The following INSR variants were observed in gnomAD, a reference collection of about 807,000 sequenced individuals.
INSR encodes the protein insulin receptor.
A neutral mutation model predicts 142.6 loss-of-function variants in INSR; 67 were observed. That is an observed-to-expected ratio of 0.47 (90% CI 0.39 to 0.58). The LOEUF (loss-of-function observed/expected upper bound fraction) is 0.58. Among genes scored for constraint, INSR ranks in the 20% least tolerant of loss-of-function variants. The probability of loss-of-function intolerance (pLI) is 0.00; values close to 1 mark genes in which losing one functional copy is unlikely to be tolerated. For synonymous variants in INSR, 756 were observed against 743.1 expected (o/e 1.02, Z -0.28); for missense variants, 1,248 against 1,833.2 (o/e 0.68, Z 5.83).
At chr19:7,148,503 A>G (rs1373492256) in intron 11 of INSR, among the ~76,000 whole-genome samples, 2 of 96,094 alleles carry the variant, frequency 2.1e-5, no homozygotes, top group Admixed American at 2.1e-4. Context: ...TTTGAGACAG[A>G]GTCTCGCTCT....
intron 2 of INSR, among the ~76,000 whole-genome samples, chr19:7,241,700 A>G (rs576781455): frequency 5.7e-4 from 86 of 152,172 alleles, no homozygotes; most frequent in African/African-American, 1.8e-3. Context: ...ATCCGGAGAC[A>G]TTTTTGGTTG....
At position 7,264,038 on chromosome 19, in the gene INSR, G is replaced by T. The variant is rs77030109; in HGVS notation, c.652+3307C>A. Among the ~76,000 whole-genome samples, 582 of 152,170 alleles carry T rather than the reference G, an allele frequency of 3.8e-3. 6 individuals carry two copies. Among genetic ancestry groups the T allele is most frequent in the African/African-American group, 0.013 (560 of 41,516 alleles). On this transcript the variant is annotated intron_variant, in intron 2 of 21. Transcript: ENST00000302850. Reference sequence around the variant, plus strand: ...TACAAAATTAGCTGGGTGTGGTGGCGCATGCCTGTAATCCTAGCTACTCGG... The same window carrying T: ...TACAAAATTAGCTGGGTGTGGTGGCTCATGCCTGTAATCCTAGCTACTCGG...
intron 2 of INSR, among the ~76,000 whole-genome samples, chr19:7,203,002 T>G (rs1318098712): frequency 6.6e-6 from 1 of 151,206 alleles, no homozygotes; most frequent in Non-Finnish European, 1.5e-5. Flanking sequence ...TGTTGTTTTT[T>G]TTTTTTTTTT....
At chr19:7,209,245 G>A (rs1163496003) in intron 2 of INSR, among the ~76,000 whole-genome samples, 2 of 152,198 alleles carry the variant, frequency 1.3e-5, no homozygotes, top group African/African-American at 2.4e-5. Context: ...AGGATTGCTT[G>A]TGCCCAGAAG....
Position 7,168,018 on chromosome 19 carries a change from C to A in INSR, c.1560G>T (p.Trp520Cys). Residue 520 changes from tryptophan to cysteine, a missense_variant, in exon 7 of 22, where the codon TGG (tryptophan) becomes TGT (cysteine). Trp to Cys is a radical substitution (Grantham distance 215). This residue lies in a region of INSR where 1,069 missense variants were observed against 1,654.0 expected (regional missense o/e 0.65). Coordinates refer to ENST00000302850, the MANE Select transcript of INSR (RefSeq NM_000208.4). This position sits in a 1 kb window ranked among gnomAD's most constrained non-coding sequence, Gnocchi z 4.3. ...DKILLRWEPY[W>C]PPDFRDLLGF... ...CCAAGAGGTCTCGGAAGTCGGGGGG[C>A]CAGTACGGCTCCCATCTCAGCAAGA... 6.2e-7 allele frequency: 1 copy of A among 1,613,984 alleles called. No homozygotes were observed. The highest frequency in any genetic ancestry group is 8.5e-7 in the Non-Finnish European group (1 of 1,179,968).
At chr19:7,141,842 G>A in intron 12 of INSR, 26 bp from the exon 13 acceptor site, 2 of 1,593,582 alleles carry the variant, frequency 1.3e-6, no homozygotes, top group Non-Finnish European at 1.7e-6. Context: ...GTGAGAGGCA[G>A]GGATGTAACT....
chr19:7,231,952 C>G (rs1446195571), intron 2 of INSR, among the ~76,000 whole-genome samples: 3 of 151,696 alleles, frequency 2.0e-5, no homozygotes, highest in Admixed American at 6.6e-5. Flanking sequence ...ATATCTCAGG[C>G]TCTCATATGC....
intron 2 of INSR, among the ~76,000 whole-genome samples, chr19:7,196,182 G>A (rs1380949402): frequency 3.3e-5 from 5 of 152,162 alleles, no homozygotes; most frequent in African/African-American, 4.8e-5. Flanking sequence ...TGATCCGCCC[G>A]CCTCAGCTTC....
At position 7,243,931 on chromosome 19, in the gene INSR, G is replaced by A. The variant is rs758970497; in HGVS notation, c.652+23414C>T. Among the ~76,000 whole-genome samples, 155 of 152,184 alleles carry A rather than the reference G, an allele frequency of 1.0e-3. 1 individual carries two copies. In the Middle Eastern group the frequency reaches 0.024, roughly 23 times the overall value. ...TATTTAATGTTAGTCTAGAAGCCCT[G>A]GTCAATAGAATAAGATTTAAAACCG... On this transcript the variant is annotated intron_variant, in intron 2 of 21. Transcript: ENST00000302850.
chr19:7,221,893 C>T (rs1170128737), intron 2 of INSR, among the ~76,000 whole-genome samples: 2 of 151,718 alleles, frequency 1.3e-5, no homozygotes, highest in Non-Finnish European at 2.9e-5. Context: ...GGGCTGTTGT[C>T]GGGATCAAGT....
chr19:7,178,128 AAG>A (rs1183177020), intron 3 of INSR, among the ~76,000 whole-genome samples: 53 of 151,742 alleles, frequency 3.5e-4, no homozygotes, highest in Non-Finnish European at 6.8e-4. Context: ...TAGGATCATA[AAG>A]TATGTATCTG....
intron 2 of INSR, among the ~76,000 whole-genome samples, chr19:7,199,701 A>G (rs1974899480): frequency 6.6e-6 from 1 of 151,010 alleles, no homozygotes; most frequent in South Asian, 2.1e-4. Context: ...GCCTGGCTGT[A>G]ACACGGCATC....
At chr19:7,153,762 T>C (rs1335256567) in intron 9 of INSR, among the ~76,000 whole-genome samples, 1 of 152,008 alleles carries the variant, frequency 6.6e-6, no homozygotes, top group Non-Finnish European at 1.5e-5. Flanking sequence ...ACACCCTTAA[T>C]CCTGGCACTT....
chr19:7,269,377 AC>A (rs1212498163), intron 1 of INSR, among the ~76,000 whole-genome samples: 1 of 312 alleles, frequency 3.2e-3, no homozygotes, highest in Non-Finnish European at 0.011. Flanking sequence ...AGTCGAGAAA[AC>A]ACACACACAC....
At chr19:7,129,394 G>A (rs1599878496) in intron 14 of INSR, among the ~76,000 whole-genome samples, 1 of 151,950 alleles carries the variant, frequency 6.6e-6, no homozygotes, top group South Asian at 2.1e-4. Context: ...GCACGATCTC[G>A]GCTCACTGGA....
chr19:7,170,854 C>T (rs2144951057), intron 5 of INSR, 103 bp from the exon 6 acceptor site: 1 of 880,732 alleles, frequency 1.1e-6, no homozygotes, highest in Admixed American at 1.7e-5. Flanking sequence ...TGCTACGTGC[C>T]TAATCCTCTC....
At chr19:7,134,143 A>T (rs2144837341) in intron 13 of INSR, among the ~76,000 whole-genome samples, 1 of 148,418 alleles carries the variant, frequency 6.7e-6, no homozygotes. Context: ...CGCGCCACTT[A>T]AGTCCAGCCT....
At chr19:7,276,294 T>G (rs1968060858) in intron 1 of INSR, among the ~76,000 whole-genome samples, 1 of 151,786 alleles carries the variant, frequency 6.6e-6, no homozygotes. Flanking sequence ...TACAGCTGCG[T>G]ACCACCATGC....
At chr19:7,144,371 A>C (rs1973140231) in intron 11 of INSR, among the ~76,000 whole-genome samples, 1 of 152,120 alleles carries the variant, frequency 6.6e-6, no homozygotes, top group Non-Finnish European at 1.5e-5. Context: ...TCCATTTGCT[A>C]CGTGAGTCGT....
Sources: gnomAD v4.1 joint callset for allele counts (sites outside exome capture counted in the v4.1 genomes callset) on GRCh38, gnomAD v4.1.1 for gene constraint, gnomAD v4.1.1 regional missense constraint, Gnocchi (gnomAD v3.1) non-coding constraint, MANE v1.5 for transcripts, NCBI Gene and HGNC (gene_info 2026-07-23, HGNC 2026-07-21) for gene names.